Variants in DDX19B observed in about 807,000 individuals in gnomAD.
DDX19B encodes the protein DEAD-box helicase 19B, also known as ATP-dependent RNA helicase DDX19B.
Under a neutral mutation model 58.1 loss-of-function variants are expected in DDX19B, and 27 were observed. That is an observed-to-expected ratio of 0.46 (90% CI 0.34 to 0.64). The LOEUF (loss-of-function observed/expected upper bound fraction) is 0.64, where lower values mean the gene tolerates loss of function less well. Ranked by LOEUF, DDX19B falls within the 30% of genes least tolerant of loss-of-function variation. The pLI is 0.01. For synonymous variants in DDX19B, 187 were observed against 214.4 expected (o/e 0.87, Z 1.12); for missense variants, 399 against 596.5 (o/e 0.67, Z 3.45).
upstream of DDX19B, among the ~76,000 whole-genome samples, chr16:70,292,204 G>A (rs369717313): frequency 3.3e-5 from 5 of 152,134 alleles, no homozygotes; most frequent in African/African-American, 1.2e-4. Context: ...TTGTTGCCCA[G>A]GCTGGAGTGC....
rs757482145 is a variant in DDX19B at position 70,329,344 on chromosome 16, T to C, written c.660T>C (p.Thr220=). ...SEQIVIGTPG[T]VLDWCSKLKF... is the part of the protein sequence containing the mutation. ...AGATTGTCATTGGCACCCCTGGGAC[T>C]GTGCTGGACTGGTGCTCCAAGCTCA... is the stretch of plus-strand genomic sequence containing the variant. Residue 220 remains threonine, a synonymous_variant, in exon 8 of 12, where the codon ACT becomes ACC. Coordinates refer to ENST00000288071, the MANE Select transcript of DDX19B (RefSeq NM_007242.7). The C allele has an allele frequency of 4.8e-5, 78 of 1,614,104 alleles. No homozygotes were observed. The highest frequency in any genetic ancestry group is 2.3e-4 in the South Asian group (21 of 91,086).
At chr16:70,325,475 T>C in intron 6 of DDX19B, 99 bp from the exon 7 acceptor site, 1 of 770,048 alleles carries the variant, frequency 1.3e-6, no homozygotes, top group South Asian at 1.6e-5. Context: ...TATTCTTTCC[T>C]TCAGCTTCAG....
chr16:70,308,004 G>C (rs1961859717), intron 1 of DDX19B, among the ~76,000 whole-genome samples: 1 of 151,632 alleles, frequency 6.6e-6, no homozygotes, highest in Non-Finnish European at 1.5e-5. Context: ...CAAGGCTGGA[G>C]TGCAGTGGCA....
At chr16:70,304,617 T>C (rs1397042795) in intron 1 of DDX19B, among the ~76,000 whole-genome samples, 5 of 150,316 alleles carry the variant, frequency 3.3e-5, no homozygotes, top group African/African-American at 1.2e-4. Flanking sequence ...AGGTGATCCA[T>C]CCGCCTTGGC....
At chr16:70,292,961 C>G (rs779819783), upstream of DDX19B, among the ~76,000 whole-genome samples, 2 of 152,004 alleles carry the variant, frequency 1.3e-5, no homozygotes, top group Non-Finnish European at 2.9e-5. Flanking sequence ...CTAAAATTAT[C>G]TGGGTGTGGT....
Position 70,325,592 on chromosome 16 carries a change from A to C in DDX19B, c.511A>C (p.Thr171Pro), listed in dbSNP as rs776132389. 6.2e-7 allele frequency: 1 copy of C among 1,613,810 alleles called. No individual in the cohort carries two copies. Among genetic ancestry groups the C allele is most frequent in the Middle Eastern group, 1.6e-4 (1 of 6,062 alleles). The change falls in exon 7 of 12, where the codon ACG (threonine) becomes CCG (proline). Residue 171 changes from threonine to proline, a missense_variant. Thr to Pro is a conservative substitution (Grantham distance 38, BLOSUM62 -1). Coordinates refer to ENST00000288071, the MANE Select transcript of DDX19B (RefSeq NM_007242.7). The stretch of plus-strand genomic sequence containing the variant: ...CTGCCAGTGTCTATGTCTCTCCCCA[A>C]CGTATGAGCTCGCCCTCCAAACAGG... ...KYPQCLCLSP[T>P]YELALQTGKV... is the part of the protein sequence containing the mutation.
Position 70,330,034 on chromosome 16 carries a change from C to T in DDX19B, c.989C>T (p.Ala330Val), listed in dbSNP as rs530175934. 5.0e-6 allele frequency: 8 copies of T among 1,613,874 alleles called. No individual in the cohort carries two copies. Among genetic ancestry groups the T allele is most frequent in the Non-Finnish European group, 6.8e-6 (8 of 1,179,908 alleles). Residue 330 changes from alanine (A) to valine (V), a missense_variant, in exon 9 of 12, where the codon GCC (alanine) becomes GTC (valine). This residue lies in a region of DDX19B where 198 missense variants were observed against 345.9 expected (regional missense o/e 0.57). Transcript: ENST00000288071. ...CAGGCCTTGTGTAACCTCTACGGGG[C>T]CATCACCATTGCTCAAGCCATGATC... The part of the protein sequence containing the change: ...KFQALCNLYG[A>V]ITIAQAMIFC...
upstream of DDX19B, among the ~76,000 whole-genome samples, chr16:70,292,286 G>GC (rs148055772): frequency 0.071 from 10,842 of 151,938 alleles, 1,291 homozygotes; most frequent in African/African-American, 0.25. Flanking sequence ...GATTACAGGC[G>GC]CCACCACCAC....
intron 5 of DDX19B, 73 bp downstream of exon 5, chr16:70,317,661 C>T: frequency 1.4e-6 from 2 of 1,391,196 alleles, no homozygotes; most frequent in South Asian, 2.5e-5. Context: ...TTTCACAGGC[C>T]AGCAAGGTGG....
At chr16:70,308,989 AT>A (rs1405451268) in intron 1 of DDX19B, among the ~76,000 whole-genome samples, 2 of 151,586 alleles carry the variant, frequency 1.3e-5, no homozygotes, top group Non-Finnish European at 2.9e-5. Flanking sequence ...CCATTAGTGT[AT>A]TCTTTATCCT....
At chr16:70,314,167 G>GTTATATACATGAATTTTAATGGCATT (rs1962241370) in intron 2 of DDX19B, among the ~76,000 whole-genome samples, 1 of 152,016 alleles carries the variant, frequency 6.6e-6, no homozygotes, top group Non-Finnish European at 1.5e-5. Flanking sequence ...CTGCTCATTT[G>GTTATATACATGAATTTTAATGGCATT]TTATATACAT....
intron 11 of DDX19B, 86 bp from the exon 12 acceptor site, chr16:70,333,435 G>A: frequency 1.2e-6 from 2 of 1,606,040 alleles, no homozygotes; most frequent in Non-Finnish European, 1.7e-6. Context: ...GGCACCCGGA[G>A]CCTTTGGGGC....
intron 1 of DDX19B, among the ~76,000 whole-genome samples, chr16:70,312,119 C>T (rs1228170174): frequency 6.6e-6 from 1 of 152,138 alleles, no homozygotes; most frequent in Admixed American, 6.6e-5. Context: ...GGATTACAGG[C>T]GCGAGCCACC....
At chr16:70,332,473 G>T (rs1415335405) in intron 10 of DDX19B, among the ~76,000 whole-genome samples, 1 of 152,040 alleles carries the variant, frequency 6.6e-6, no homozygotes, top group Non-Finnish European at 1.5e-5. Context: ...GCTAATTTTT[G>T]TATTTTCAGT....
At chr16:70,290,175 G>A (rs1961023814), upstream of DDX19B, among the ~76,000 whole-genome samples, 1 of 152,008 alleles carries the variant, frequency 6.6e-6, no homozygotes, top group African/African-American at 2.4e-5. Context: ...GGCCAAGGTG[G>A]GAAGATCACC....
upstream of DDX19B, among the ~76,000 whole-genome samples, chr16:70,296,717 C>T (rs1319592022): frequency 6.6e-6 from 1 of 152,104 alleles, no homozygotes; most frequent in African/African-American, 2.4e-5. Context: ...CTTTTTAGCA[C>T]ATCCTCATGT....
In DDX19B at chr16:70,331,726, G is replaced by A. The variant is rs758707810; in HGVS notation, c.1028G>A (p.Arg343His). 10 of 1,613,374 alleles carry A rather than the reference G, an allele frequency of 6.2e-6. No individual in the cohort carries two copies. Among genetic ancestry groups the A allele is most frequent in the South Asian group, 1.1e-5 (1 of 91,050 alleles). ...AAACAATTCTTTTCACTACAGACTC[G>A]CAAAACAGCTAGTTGGCTGGCAGCA... Reference protein sequence around the residue: ...IAQAMIFCHTRKTASWLAAEL... With the variant: ...IAQAMIFCHTHKTASWLAAEL... Residue 343 changes from arginine (R) to histidine (H), a missense_variant, in exon 10 of 12, where the codon CGC becomes CAC. Transcript: ENST00000288071.
At chr16:70,296,156 A>C (rs1308916814), upstream of DDX19B, among the ~76,000 whole-genome samples, 1 of 151,740 alleles carries the variant, frequency 6.6e-6, no homozygotes, top group Non-Finnish European at 1.5e-5. Context: ...GGCACCCACC[A>C]CCATGCTCAG....
upstream of DDX19B, chr16:70,295,187 C>T: frequency 2.6e-6 from 2 of 759,154 alleles, no homozygotes; most frequent in Non-Finnish European, 3.5e-6. Context: ...CTTTCCACGC[C>T]CGCTTTGGAA....
Sources: gnomAD v4.1 joint callset for allele counts (sites outside exome capture counted in the v4.1 genomes callset) on GRCh38, gnomAD v4.1.1 for gene constraint, gnomAD v4.1.1 regional missense constraint, MANE v1.5 for transcripts, NCBI Gene and HGNC (gene_info 2026-07-23, HGNC 2026-07-21) for gene names.